The following DPY30 variants were observed in gnomAD, a reference collection of about 807,000 sequenced individuals.
DPY30 encodes dpy-30 histone methyltransferase complex regulatory subunit.
A neutral mutation model predicts 16.2 loss-of-function variants in DPY30; 6 were observed. The observed-to-expected ratio is 0.37, with a 90% CI of 0.20 to 0.73. The LOEUF is 0.73. Ranked by LOEUF, DPY30 falls within the 30% of genes least tolerant of loss-of-function variation. The pLI, the probability that DPY30 is intolerant of heterozygous loss-of-function variation, is 0.51. For missense variants in DPY30, 73 were observed against 113.1 expected, an observed-to-expected ratio of 0.65 and a Z score of 1.61; for synonymous variants, 39 against 38.8, an observed-to-expected ratio of 1.00 and a Z score of -0.02.
chr2:32,014,407 T>G (rs764236136), intron 5 of DPY30, among the ~76,000 whole-genome samples: 1 of 152,086 alleles, frequency 6.6e-6, no homozygotes, highest in Non-Finnish European at 1.5e-5. Flanking sequence ...AAGATTGCTT[T>G]AGCCCAGGAG....
chr2:32,014,404 C>T (rs1027410438), intron 5 of DPY30, among the ~76,000 whole-genome samples: 2 of 152,128 alleles, frequency 1.3e-5, no homozygotes, highest in Non-Finnish European at 2.9e-5. Context: ...GGAAAGATTG[C>T]TTTAGCCCAG....
At chr2:32,034,917 T>C (rs1288379248) in intron 3 of DPY30, among the ~76,000 whole-genome samples, 1 of 151,320 alleles carries the variant, frequency 6.6e-6, no homozygotes, top group Non-Finnish European at 1.5e-5. Flanking sequence ...GAGAGTCACT[T>C]GAACCCAGGA....
At chr2:32,033,294 A>G (rs1384717221) in intron 3 of DPY30, among the ~76,000 whole-genome samples, 1 of 148,982 alleles carries the variant, frequency 6.7e-6, no homozygotes, top group Non-Finnish European at 1.5e-5. Context: ...GGTGACAGAG[A>G]AAGTCTCTGT....
chr2:32,037,849 A>G (rs1472941661), intron 3 of DPY30, among the ~76,000 whole-genome samples: 1 of 151,998 alleles, frequency 6.6e-6, no homozygotes, highest in East Asian at 1.9e-4. Context: ...CACCACGCCC[A>G]GCCTGTATGC....
At chr2:32,029,826 T>C (rs1675466507) in intron 3 of DPY30, 90 bp from the exon 4 acceptor site, 23 of 1,430,262 alleles carry the variant, frequency 1.6e-5, no homozygotes, top group South Asian at 3.7e-5. Context: ...ATGACACTAA[T>C]AGAAAAGGCA....
downstream of DPY30, among the ~76,000 whole-genome samples, chr2:32,019,832 AAAAAT>A (rs1417311649): frequency 3.6e-4 from 51 of 139,982 alleles, no homozygotes; most frequent in African/African-American, 1.3e-3. Context: ...AAAAAAAAAA[AAAAAT>A]ATATATATAT....
downstream of DPY30, among the ~76,000 whole-genome samples, chr2:32,022,138 A>G (rs1216736883): frequency 6.6e-6 from 1 of 151,632 alleles, no homozygotes; most frequent in Non-Finnish European, 1.5e-5. Flanking sequence ...TGAGCCTGGG[A>G]GCCAGAGGTT....
chr2:32,022,292 G>A (rs1170937421), downstream of DPY30, among the ~76,000 whole-genome samples: 1 of 151,468 alleles, frequency 6.6e-6, no homozygotes, highest in Non-Finnish European at 1.5e-5. Context: ...TAACTTATGA[G>A]TTAGCCAAAT....
At chr2:32,012,444 T>C (rs1324087739) in intron 5 of DPY30, among the ~76,000 whole-genome samples, 1 of 137,098 alleles carries the variant, frequency 7.3e-6, no homozygotes, top group African/African-American at 2.7e-5. Context: ...TTTTTTTTTT[T>C]TTTTGAGACA....
intron 5 of DPY30, among the ~76,000 whole-genome samples, chr2:32,014,034 CAG>C (rs1050729980): frequency 6.8e-6 from 1 of 147,784 alleles, no homozygotes; most frequent in African/African-American, 2.5e-5. Flanking sequence ...AAGAGAGAGA[CAG>C]AGAGGGAGGG....
chr2:32,029,566 A>G (rs201637506), intron 4 of DPY30, 28 bp downstream of exon 4: 1 of 1,606,230 alleles, frequency 6.2e-7, no homozygotes, highest in Admixed American at 1.7e-5. Context: ...TTCTTTACTA[A>G]CTCCATTTGT....
chr2:32,034,496 T>C (rs565665732), intron 3 of DPY30, among the ~76,000 whole-genome samples: 5 of 152,254 alleles, frequency 3.3e-5, no homozygotes, highest in African/African-American at 1.2e-4. Context: ...ACTGACTCAT[T>C]ACCAAAAGAT....
intron 4 of DPY30, 91 bp downstream of exon 4, chr2:32,029,502 TA>T: frequency 6.9e-7 from 1 of 1,448,274 alleles, no homozygotes; most frequent in Non-Finnish European, 9.5e-7. Flanking sequence ...AATCACACAG[TA>T]AAAAGTCGCT....
chr2:32,029,006 T>C (rs534018721), intron 4 of DPY30, among the ~76,000 whole-genome samples: 1 of 151,964 alleles, frequency 6.6e-6, no homozygotes, highest in East Asian at 1.9e-4. Context: ...GCGCAGTGGC[T>C]CATGCCTGTA....
chr2:32,029,257 C>T (rs1221451186), intron 4 of DPY30, among the ~76,000 whole-genome samples: 2 of 151,962 alleles, frequency 1.3e-5, no homozygotes, highest in African/African-American at 4.8e-5. Context: ...GGCAACAGAG[C>T]TAGATTCTGT....
intron 3 of DPY30, among the ~76,000 whole-genome samples, chr2:32,031,654 A>T (rs1675546329): frequency 6.6e-6 from 1 of 151,030 alleles, no homozygotes; most frequent in Non-Finnish European, 1.5e-5. Flanking sequence ...CAGCACTTTG[A>T]GAGGCCCAAG....
chr2:32,039,172 A>G, intron 3 of DPY30, 107 bp downstream of exon 3: 1 of 1,367,040 alleles, frequency 7.3e-7, no homozygotes, highest in East Asian at 2.3e-5. Context: ...TCAGTTCACG[A>G]TAACAAAGTT....
At chr2:32,030,158 C>T (rs2148662517) in intron 3 of DPY30, among the ~76,000 whole-genome samples, 1 of 151,948 alleles carries the variant, frequency 6.6e-6, no homozygotes, top group South Asian at 2.1e-4. Context: ...GCTTCAGGGT[C>T]CAAGGCTTAT....
downstream of DPY30, chr2:32,023,655 C>A (rs1331734187): frequency 6.1e-6 from 7 of 1,146,532 alleles, no homozygotes; most frequent in Admixed American, 1.6e-4. Flanking sequence ...AGTACTCCAA[C>A]TTTAATGTAC....
Sources: gnomAD v4.1 joint callset for allele counts (sites outside exome capture counted in the v4.1 genomes callset) on GRCh38, gnomAD v4.1.1 for gene constraint, MANE v1.5 for transcripts, NCBI Gene and HGNC (gene_info 2026-07-23, HGNC 2026-07-21) for gene names.